GRIP1: variants seen among roughly 807,000 people sequenced by gnomAD.
The protein encoded by GRIP1 is glutamate receptor interacting protein 1.
A neutral mutation model predicts 129.9 loss-of-function variants in GRIP1; 45 were observed. The ratio of observed to expected loss-of-function variants is 0.35; its 90% CI spans 0.27 to 0.44. GRIP1 has a LOEUF of 0.44. Ranked by LOEUF, GRIP1 falls within the 20% of genes least tolerant of loss-of-function variation. The probability of loss-of-function intolerance (pLI) is 1.00; values close to 1 mark genes in which losing one functional copy is unlikely to be tolerated. For synonymous variants in GRIP1, 530 were observed against 520.8 expected, an observed-to-expected ratio of 1.02 and a Z score of -0.24; for missense variants, 1,196 against 1,396.8, an observed-to-expected ratio of 0.86 and a Z score of 2.29.
At chr12:66,708,604 T>C (rs2035613512) in intron 1 of GRIP1, among the ~76,000 whole-genome samples, 1 of 151,980 alleles carries the variant, frequency 6.6e-6, no homozygotes, top group Admixed American at 6.6e-5. Context: ...TCATCTATGA[T>C]GAAAATACAT....
chr12:66,528,858 C>T (rs927064465), intron 5 of GRIP1, among the ~76,000 whole-genome samples: 1 of 151,870 alleles, frequency 6.6e-6, no homozygotes, highest in African/African-American at 2.4e-5. Context: ...TTTTTCTAAC[C>T]CAGAGAGTGA....
intron 10 of GRIP1, 97 bp downstream of exon 10, chr12:66,456,090 A>G (rs779111965): frequency 1.1e-5 from 8 of 720,998 alleles, no homozygotes; most frequent in African/African-American, 1.8e-5. Flanking sequence ...TAAGAAACAG[A>G]AAAAACAACA....
chr12:66,914,965 C>CA (rs1349415046), intron 1 of GRIP1, among the ~76,000 whole-genome samples: 3 of 151,950 alleles, frequency 2.0e-5, no homozygotes, highest in East Asian at 1.9e-4. Context: ...CCTCCCCTCG[C>CA]AAAAAAGACT....
intron 1 of GRIP1, among the ~76,000 whole-genome samples, chr12:67,068,851 CCG>C (rs1478226912): frequency 2.2e-4 from 7 of 32,264 alleles, no homozygotes; most frequent in Non-Finnish European, 2.9e-4. Context: ...CCCTCTCATC[CCG>C]CCCCCCCCCC....
intron 14 of GRIP1, among the ~76,000 whole-genome samples, chr12:66,428,378 G>C (rs998503864): frequency 6.6e-5 from 10 of 152,152 alleles, no homozygotes; most frequent in African/African-American, 2.4e-4. Flanking sequence ...AAAAATGACA[G>C]ATTTGTTGTG....
chr12:66,553,120 T>C (rs1030612232), intron 2 of GRIP1, among the ~76,000 whole-genome samples: 2 of 152,184 alleles, frequency 1.3e-5, no homozygotes, highest in Non-Finnish European at 2.9e-5. Context: ...GGGAAACCAT[T>C]TTCTTGTCAC....
chr12:66,506,671 C>G lies in GRIP1; in HGVS notation c.724+8948G>C, dbSNP rs549456172. On this transcript the variant is annotated intron_variant, in intron 7 of 24. Coordinates refer to ENST00000359742, the MANE Select transcript of GRIP1 (RefSeq NM_001366722.1). ...AGTGCTTTTCTCTTTGCGTGTTGTA[C>G]TATAATACAAAAGTAAATTTTAAAG... Among the ~76,000 whole-genome samples, 278 of 152,164 alleles carry G rather than the reference C, an allele frequency of 1.8e-3. 2 individuals carry two copies. The highest frequency in any genetic ancestry group is 6.3e-3 in the African/African-American group (260 of 41,512).
chr12:66,726,467 C>T (rs2036256637), intron 1 of GRIP1, among the ~76,000 whole-genome samples: 1 of 152,022 alleles, frequency 6.6e-6, no homozygotes, highest in South Asian at 2.1e-4. Context: ...GGGCATAACT[C>T]CAACAACAAC....
At chr12:66,668,957 A>C (rs1264823062) in intron 1 of GRIP1, among the ~76,000 whole-genome samples, 1 of 152,128 alleles carries the variant, frequency 6.6e-6, no homozygotes, top group East Asian at 1.9e-4. Flanking sequence ...AAAAGAAACA[A>C]ATAAGCAAAA....
intron 1 of GRIP1, among the ~76,000 whole-genome samples, chr12:66,694,803 C>A (rs996037141): frequency 6.6e-6 from 1 of 151,988 alleles, no homozygotes. Flanking sequence ...CTTCCATATC[C>A]CAGGGAATAG....
At chr12:66,878,824 G>C (rs2040425283) in intron 1 of GRIP1, among the ~76,000 whole-genome samples, 1 of 151,984 alleles carries the variant, frequency 6.6e-6, no homozygotes, top group Non-Finnish European at 1.5e-5. Flanking sequence ...AAGAGGAATA[G>C]AGGTGACGCA....
intron 1 of GRIP1, among the ~76,000 whole-genome samples, chr12:66,793,672 G>C (rs1432633937): frequency 6.6e-6 from 1 of 152,120 alleles, no homozygotes; most frequent in Non-Finnish European, 1.5e-5. Context: ...CCCATCACGA[G>C]GATGGAGGCT....
At chr12:66,379,072 A>T (rs747447959) in intron 20 of GRIP1, among the ~76,000 whole-genome samples, 7 of 152,214 alleles carry the variant, frequency 4.6e-5, no homozygotes, top group Non-Finnish European at 1.0e-4. Flanking sequence ...CGTTAGGGGA[A>T]ACCCAGCTCT....
intron 3 of GRIP1, among the ~76,000 whole-genome samples, chr12:66,541,451 G>T (rs960982587): frequency 3.3e-5 from 5 of 152,184 alleles, no homozygotes; most frequent in African/African-American, 7.2e-5. Flanking sequence ...CATTATATGG[G>T]TCATCTGTTT....
chr12:66,760,345 G>A (rs1389915216), intron 1 of GRIP1, among the ~76,000 whole-genome samples: 1 of 152,042 alleles, frequency 6.6e-6, no homozygotes, highest in Non-Finnish European at 1.5e-5. Context: ...TTCTGTATTA[G>A]TTCGTTTTCA....
At chr12:66,730,324 T>C (rs1438357515) in intron 1 of GRIP1, among the ~76,000 whole-genome samples, 1 of 152,196 alleles carries the variant, frequency 6.6e-6, no homozygotes, top group Non-Finnish European at 1.5e-5. Context: ...TAGTAGTGGT[T>C]TTAGAATCCT....
chr12:66,926,867 C>T (rs759137405), intron 1 of GRIP1, among the ~76,000 whole-genome samples: 2 of 151,946 alleles, frequency 1.3e-5, no homozygotes, highest in Non-Finnish European at 2.9e-5. Context: ...CCACTAAGAG[C>T]AAAGAAAAAA....
chr12:66,655,014 G>A (rs2033057364), intron 1 of GRIP1, among the ~76,000 whole-genome samples: 1 of 152,154 alleles, frequency 6.6e-6, no homozygotes, highest in African/African-American at 2.4e-5. Flanking sequence ...GCAGGAACAT[G>A]AAGAAGACAT....
chr12:66,353,070 C>T (rs753530061), intron 24 of GRIP1, among the ~76,000 whole-genome samples: 4 of 152,116 alleles, frequency 2.6e-5, no homozygotes, highest in African/African-American at 7.2e-5. Flanking sequence ...GTAGGAAGGA[C>T]TAGACTGGTG....
Sources: allele counts gnomAD v4.1 joint callset (sites outside exome capture counted in the v4.1 genomes callset), GRCh38; gene constraint gnomAD v4.1.1; transcripts MANE v1.5; gene names NCBI Gene and HGNC (gene_info 2026-07-23, HGNC 2026-07-21).